The following PIK3C2B variants were observed in gnomAD, a reference collection of about 807,000 sequenced individuals.
PIK3C2B encodes phosphatidylinositol 4-phosphate 3-kinase C2 domain-containing subunit beta.
PIK3C2B carries 83 observed loss-of-function variants against 184.3 expected under a neutral mutation model. The ratio of observed to expected loss-of-function variants is 0.45; its 90% confidence interval spans 0.38 to 0.54. The LOEUF is 0.54. PIK3C2B is among the 20% of genes least tolerant of loss of function. PIK3C2B has a pLI of 0.00. For synonymous variants in PIK3C2B, 779 were observed against 837.6 expected, an observed-to-expected ratio of 0.93 and a Z score of 1.21; for missense variants, 1,736 against 2,113.5, an observed-to-expected ratio of 0.82 and a Z score of 3.50.
chr1:204,476,460 C>T (rs188969354), intron 1 of PIK3C2B, among the ~76,000 whole-genome samples: 1 of 152,090 alleles, frequency 6.6e-6, no homozygotes, highest in East Asian at 1.9e-4. Context: ...GTGGATGGAT[C>T]GTTTGGACCT....
At chr1:204,457,190 C>A in intron 9 of PIK3C2B, 120 bp from the exon 10 acceptor site, 2 of 763,594 alleles carry the variant, frequency 2.6e-6, no homozygotes, top group Non-Finnish European at 2.2e-6. Context: ...ATGTGAGTAG[C>A]TGAGAATCCC....
rs749967554 is a variant in PIK3C2B, at chr1:204,432,406, C to A, written c.3954-5G>T. On this transcript the variant is annotated splice_polypyrimidine_tract_variant and splice_region_variant and intron_variant, in intron 26 of 32. Coordinates refer to ENST00000684373, the MANE Select transcript of PIK3C2B (RefSeq NM_001377334.1). ...CCCAGGCTGGACTCAATCAACCTGG[C>A]AGGAGGATAAGAAAAGAGGATATAA... 1 of 1,613,068 alleles carries A rather than the reference C, an allele frequency of 6.2e-7. No homozygotes were observed. Among genetic ancestry groups the A allele is most frequent in the Non-Finnish European group, 8.5e-7 (1 of 1,179,216 alleles).
In PIK3C2B at chr1:204,424,543, G is replaced by C; in HGVS notation, c.*309C>G. On this transcript the variant is annotated 3_prime_UTR_variant, in exon 33 of 33. Coordinates refer to ENST00000684373, the MANE Select transcript of PIK3C2B (RefSeq NM_001377334.1). ...CACCCCCAAAATGCTACTTCATACAGCCCACCCCACACACTCCCCAAACCA... is the reference window on the plus strand; with the variant it reads ...CACCCCCAAAATGCTACTTCATACACCCCACCCCACACACTCCCCAAACCA... 3.5e-6 allele frequency: 1 copy of C among 288,556 alleles called. No homozygotes were observed. The highest frequency in any genetic ancestry group is 2.4e-5 in the South Asian group (1 of 41,258). The allele number at this position is 288,556 out of a possible 1,614,324, so 17.9% of individuals were successfully genotyped here.
In PIK3C2B at chr1:204,440,245, C is replaced by T; in HGVS notation, c.3326G>A (p.Gly1109Glu). ...GAAGATGACCATGCGCATGTCCAGCCCCTCCTGGACCCAGATCTTGCTCAT... is the reference window on the plus strand; with the variant it reads ...GAAGATGACCATGCGCATGTCCAGCTCCTCCTGGACCCAGATCTTGCTCAT... The part of the protein sequence containing the change: ...RIMSKIWVQE[G>E]LDMRMVIFRC... Residue 1109 changes from glycine to glutamate, a missense_variant, in exon 22 of 33, where the codon GGG becomes GAG. Transcript: ENST00000684373. 1 of 1,611,880 alleles carries T rather than the reference C, an allele frequency of 6.2e-7. No individual in the cohort carries two copies. The highest frequency in any genetic ancestry group is 8.5e-7 in the Non-Finnish European group (1 of 1,178,836).
intron 23 of PIK3C2B, 119 bp downstream of exon 23, chr1:204,438,816 C>T (rs998887873): frequency 1.8e-6 from 2 of 1,136,780 alleles, no homozygotes; most frequent in African/African-American, 3.1e-5. Flanking sequence ...AGGGTAGGTC[C>T]TTCTGCCAAC....
At chr1:204,464,698 C>T in intron 3 of PIK3C2B, 94 bp from the exon 4 acceptor site, 1 of 1,192,882 alleles carries the variant, frequency 8.4e-7, no homozygotes, top group Non-Finnish European at 1.2e-6. Context: ...GGCTCAAGAG[C>T]CCCTCTGTCC....
chr1:204,465,121 T>G (rs966700986), intron 3 of PIK3C2B, 98 bp downstream of exon 3: 34 of 748,784 alleles, frequency 4.5e-5, no homozygotes, highest in Admixed American at 1.9e-4. Flanking sequence ...TTACTTATTA[T>G]GGTGCTTCTT....
intron 16 of PIK3C2B, among the ~76,000 whole-genome samples, chr1:204,445,332 CCTATA>C (rs1653759173): frequency 6.6e-6 from 1 of 152,032 alleles, no homozygotes; most frequent in Non-Finnish European, 1.5e-5. Context: ...GTAGCTCACA[CCTATA>C]ATCCCAGCAT....
Position 204,425,645 on chromosome 1 carries a change from G to T in PIK3C2B, c.4684C>A (p.Arg1562=). ...TTGTAGGTAGGATTGCAGGTTTTCCGGGCCACTTTGGTTTTCCTCTTAGTG... is the reference window on the plus strand; with the variant it reads ...TTGTAGGTAGGATTGCAGGTTTTCCTGGCCACTTTGGTTTTCCTCTTAGTG... ...KTTKRKTKVA[R]KTCNPTYNEM... is the part of the protein sequence containing the mutation. The change falls in exon 32 of 33, where the codon CGG becomes AGG. Residue 1562 remains arginine, a synonymous_variant. Coordinates refer to ENST00000684373, the MANE Select transcript of PIK3C2B (RefSeq NM_001377334.1). 1 of 1,614,008 alleles carries T rather than the reference G, an allele frequency of 6.2e-7. No homozygotes were observed. Among genetic ancestry groups the T allele is most frequent in the Non-Finnish European group, 8.5e-7 (1 of 1,179,992 alleles).
chr1:204,431,709 T>C lies in PIK3C2B; in HGVS notation c.4240A>G (p.Asn1414Asp). Reference sequence around the variant, plus strand: ...GAAGGGAAGAGCAGCCGCAACTTATTGTGTAATTCCTGGAACTCCTCAAAG... The same window carrying C: ...GAAGGGAAGAGCAGCCGCAACTTATCGTGTAATTCCTGGAACTCCTCAAAG... Reference protein sequence around the residue: ...RTFEEFQELHNKLRLLFPSSH... With the variant: ...RTFEEFQELHDKLRLLFPSSH... The change falls in exon 28 of 33, where the codon AAT (asparagine) becomes GAT (aspartate). Residue 1414 changes from asparagine to aspartate, a missense_variant. By Grantham distance (23) the Asn-to-Asp change is conservative. This residue lies in a region of PIK3C2B where 200 missense variants were observed against 199.1 expected (regional missense o/e 1.00). Transcript: ENST00000684373. 6.2e-7 allele frequency: 1 copy of C among 1,614,122 alleles called. No individual in the cohort carries two copies. The highest frequency in any genetic ancestry group is 1.3e-5 in the African/African-American group (1 of 75,012).
intron 16 of PIK3C2B, 37 bp from the exon 17 acceptor site, chr1:204,444,461 G>C: frequency 6.7e-7 from 1 of 1,486,228 alleles, no homozygotes. Context: ...CAACCTAGCT[G>C]CAAGTTGAGG....
At chr1:204,446,638 C>T (rs1653895775) in intron 15 of PIK3C2B, among the ~76,000 whole-genome samples, 3 of 152,200 alleles carry the variant, frequency 2.0e-5, no homozygotes, top group Admixed American at 6.5e-5. Context: ...CAGCTGTCGG[C>T]TTTCAAGGAC....
intron 3 of PIK3C2B, 113 bp downstream of exon 3, chr1:204,465,106 G>C: frequency 1.4e-6 from 1 of 718,454 alleles, no homozygotes; most frequent in Admixed American, 2.1e-5. Flanking sequence ...GCTATGAACT[G>C]AGATTTACTT....
At chr1:204,446,204 G>T in intron 15 of PIK3C2B, 60 bp from the exon 16 acceptor site, 3 of 1,228,004 alleles carry the variant, frequency 2.4e-6, no homozygotes, top group Non-Finnish European at 2.3e-6. Flanking sequence ...AGAGAGAACA[G>T]CATCAGCCAG....
Position 204,455,937 on chromosome 1 carries a change from A to T in PIK3C2B, c.1862T>A (p.Val621Asp). 6.2e-7 allele frequency: 1 copy of T among 1,614,158 alleles called. No homozygotes were observed. The highest frequency in any genetic ancestry group is 8.5e-7 in the Non-Finnish European group (1 of 1,180,004). The change falls in exon 11 of 33, where the codon GTC (valine) becomes GAC (aspartate). Residue 621 changes from valine to aspartate, a missense_variant. This residue lies in a region of PIK3C2B where 609 missense variants were observed against 699.2 expected (regional missense o/e 0.87). Coordinates refer to ENST00000684373, the MANE Select transcript of PIK3C2B (RefSeq NM_001377334.1). ...CCTGGCGAAATGGCAGGCCTCCTGG[A>T]CCAGGTCATGCTTGCGGCTCCCGGG... ...AVPGSRKHDLVQEACHFARSL... is the reference protein window; with the variant it reads ...AVPGSRKHDLDQEACHFARSL...
Position 204,443,585 on chromosome 1 carries a change from G to A in PIK3C2B, c.2880C>T (p.Asp960=), listed in dbSNP as rs545431374. The A allele has an allele frequency of 2.5e-5, 40 of 1,614,010 alleles. No homozygotes were observed. Among genetic ancestry groups the A allele is most frequent in the Admixed American group, 1.0e-4 (6 of 60,008 alleles). Residue 960 remains aspartate, a synonymous_variant, in exon 19 of 33, where the codon GAC becomes GAT. Coordinates refer to ENST00000684373, the MANE Select transcript of PIK3C2B (RefSeq NM_001377334.1). The part of the protein sequence containing the change: ...VTHYFFWLLK[D]GLKDSQFSIR... ...TGCTGAACTGAGAGTCCTTGAGGCC[G>A]TCCTTCAGTAACCTGCAAGGCAGAG... is the stretch of plus-strand genomic sequence containing the variant.
chr1:204,455,188 C>T (rs184672014), intron 11 of PIK3C2B, among the ~76,000 whole-genome samples: 7 of 152,342 alleles, frequency 4.6e-5, no homozygotes, highest in Non-Finnish European at 5.9e-5. Context: ...TGCCAACACA[C>T]GGGGGTCCCT....
intron 1 of PIK3C2B, among the ~76,000 whole-genome samples, chr1:204,475,580 C>T (rs553076468): frequency 6.6e-6 from 1 of 152,222 alleles, no homozygotes; most frequent in South Asian, 2.1e-4. Flanking sequence ...TTGGAACTAA[C>T]CAGGTTGGAT....
In PIK3C2B at chr1:204,450,704, C is replaced by T. The variant is rs190188586; in HGVS notation, c.2067-687G>A. On this transcript the variant is annotated intron_variant, in intron 12 of 32. Coordinates refer to ENST00000684373, the MANE Select transcript of PIK3C2B (RefSeq NM_001377334.1). The stretch of plus-strand genomic sequence containing the variant: ...CAAGAGAACTGAGACACATAAGCCC[C>T]ACCACTATTCAAGCCCATAAGTTCT... 5.9e-5 allele frequency among the ~76,000 whole-genome samples: 9 copies of T among 152,324 alleles called. No individual in the cohort carries two copies. The East Asian group carries it at 1.7e-3, about 29-fold the overall frequency.
Sources: gnomAD v4.1 joint callset for allele counts (sites outside exome capture counted in the v4.1 genomes callset) on GRCh38, gnomAD v4.1.1 for gene constraint, gnomAD v4.1.1 regional missense constraint, MANE v1.5 for transcripts, NCBI Gene and HGNC (gene_info 2026-07-23, HGNC 2026-07-21) for gene names.